Variants in ZDHHC14 observed in about 807,000 individuals in gnomAD.
ZDHHC14 encodes zDHHC palmitoyltransferase 14.
Under a neutral mutation model 47.7 loss-of-function variants are expected in ZDHHC14, and 16 were observed. That is an observed-to-expected ratio of 0.34 (90% CI 0.23 to 0.51). The LOEUF is 0.51. Among genes scored for constraint, ZDHHC14 ranks in the 20% least tolerant of loss-of-function variants. ZDHHC14 has a pLI of 0.97. For missense variants in ZDHHC14, 515 were observed against 662.5 expected, an observed-to-expected ratio of 0.78 and a Z score of 2.44; for synonymous variants, 293 against 278.9, an observed-to-expected ratio of 1.05 and a Z score of -0.50.
At chr6:157,384,974 G>T (rs1777282847) in intron 1 of ZDHHC14, among the ~76,000 whole-genome samples, 1 of 152,162 alleles carries the variant, frequency 6.6e-6, no homozygotes, top group African/African-American at 2.4e-5. Flanking sequence ...TAGAGATGGA[G>T]TCTGCCTATG....
Position 157,502,285 on chromosome 6 carries a change from C to T in ZDHHC14, c.246-40300C>T, listed in dbSNP as rs1030236829. Among the ~76,000 whole-genome samples the T allele has an allele frequency of 2.0e-5, 3 of 152,112 alleles. No homozygotes were observed. The highest frequency in any genetic ancestry group is 4.4e-5 in the Non-Finnish European group (3 of 68,022). ...GTCATTATAGAAACGGCAAGAAGAC[C>T]ATTGCATGTAAGCAAGGACACCGTG... On this transcript the variant is annotated intron_variant, in intron 1 of 8. Transcript: ENST00000359775. This position sits in a 1 kb window ranked among gnomAD's most constrained non-coding sequence, Gnocchi z 4.0.
At chr6:157,666,415 G>GA (rs567005614) in intron 8 of ZDHHC14, among the ~76,000 whole-genome samples, 2 of 151,784 alleles carry the variant, frequency 1.3e-5, no homozygotes, top group East Asian at 3.9e-4. Context: ...AATGTAGTAG[G>GA]AAAAAAAATA....
intron 7 of ZDHHC14, among the ~76,000 whole-genome samples, chr6:157,649,969 G>T (rs1344253654): frequency 6.6e-6 from 1 of 151,604 alleles, no homozygotes; most frequent in Non-Finnish European, 1.5e-5. Context: ...GAGAGGGGCT[G>T]GCTCTGTGCC....
intron 8 of ZDHHC14, among the ~76,000 whole-genome samples, chr6:157,658,105 A>G (rs1778182396): frequency 6.6e-6 from 1 of 152,212 alleles, no homozygotes; most frequent in Non-Finnish European, 1.5e-5. Context: ...CCTGAGACCC[A>G]TGAGTGGCAA....
At position 157,558,247 on chromosome 6, in the gene ZDHHC14, T is replaced by C. The variant is rs891940086; in HGVS notation, c.406+15502T>C. ...ATAGATCTAAACTCCTCAACCGACA[T>C]GCTGCCATTCCCAGAAATGGCTGAT... On this transcript the variant is annotated intron_variant, in intron 2 of 8. Coordinates refer to ENST00000359775, the MANE Select transcript of ZDHHC14 (RefSeq NM_024630.3). 8.5e-5 allele frequency among the ~76,000 whole-genome samples: 13 copies of C among 152,298 alleles called. 1 individual carries two copies. The highest frequency in any genetic ancestry group is 2.1e-4 in the South Asian group (1 of 4,820).
At chr6:157,548,940 G>A (rs796803683) in intron 2 of ZDHHC14, among the ~76,000 whole-genome samples, 11 of 152,340 alleles carry the variant, frequency 7.2e-5, no homozygotes, top group African/African-American at 2.2e-4. Flanking sequence ...TTGATGAAGC[G>A]TCTCTCCCCG....
chr6:157,592,975 C>T lies in ZDHHC14; in HGVS notation c.407-13C>T. ...TCTGAAGGTGTGCGCTCTTTCTCTT[C>T]TTTTCTCCACAGATATCGCAAACGG... On this transcript the variant is annotated splice_polypyrimidine_tract_variant and intron_variant, in intron 2 of 8. Coordinates refer to ENST00000359775, the MANE Select transcript of ZDHHC14 (RefSeq NM_024630.3). 1 of 1,606,210 alleles carries T rather than the reference C, an allele frequency of 6.2e-7. No homozygotes were observed. The highest frequency in any genetic ancestry group is 1.1e-5 in the South Asian group (1 of 89,960).
chr6:157,540,910 G>GTGTGTGTGTGTATA (rs1284429244), intron 1 of ZDHHC14, among the ~76,000 whole-genome samples: 2 of 122,992 alleles, frequency 1.6e-5, no homozygotes, highest in Non-Finnish European at 1.6e-5. Context: ...GTGTGTGTGT[G>GTGTGTGTGTGTATA]TATATATATA....
rs567514064 is a variant in ZDHHC14 at position 157,673,290 on chromosome 6, G to A, written c.*168G>A. 1.8e-4 allele frequency: 151 copies of A among 845,514 alleles called. 1 individual carries two copies. The African/African-American group carries it at 2.2e-3, about 12-fold the overall frequency. The allele number at this position is 845,514 out of a possible 1,614,324, so 52.4% of individuals were successfully genotyped here. ...AGGATGGCACAGGGTGGCTGGCCCC[G>A]GATGCTGAGAGCTTGGTTTCATTTG... On this transcript the variant is annotated 3_prime_UTR_variant, in exon 9 of 9. Coordinates refer to ENST00000359775, the MANE Select transcript of ZDHHC14 (RefSeq NM_024630.3). The surrounding 1 kb of genome is among the most constrained non-coding windows in gnomAD (Gnocchi z 5.4).
chr6:157,393,593 G>A (rs1334950375), intron 1 of ZDHHC14, among the ~76,000 whole-genome samples: 7 of 152,268 alleles, frequency 4.6e-5, no homozygotes, highest in East Asian at 1.9e-4. Context: ...TCTCTAAAAT[G>A]TGTGTTCCTG....
chr6:157,597,721 C>T (rs1784186558), intron 3 of ZDHHC14, among the ~76,000 whole-genome samples: 1 of 152,222 alleles, frequency 6.6e-6, no homozygotes. Flanking sequence ...TCTGGAAGGG[C>T]TGTGAAGACG....
chr6:157,418,162 T>C (rs1453142768), intron 1 of ZDHHC14, among the ~76,000 whole-genome samples: 1 of 152,010 alleles, frequency 6.6e-6, no homozygotes, highest in Non-Finnish European at 1.5e-5. Context: ...TGGGTCCTTC[T>C]CAGAAGTGAG....
At chr6:157,564,737 C>T (rs1782836713) in intron 2 of ZDHHC14, among the ~76,000 whole-genome samples, 1 of 152,154 alleles carries the variant, frequency 6.6e-6, no homozygotes, top group Non-Finnish European at 1.5e-5. Context: ...CACTGAGCAC[C>T]AGCAAAGGAG....
At chr6:157,504,946 G>A (rs767010964) in intron 1 of ZDHHC14, among the ~76,000 whole-genome samples, 38 of 151,844 alleles carry the variant, frequency 2.5e-4, no homozygotes, top group Non-Finnish European at 4.9e-4. Context: ...GAGTAGCTGG[G>A]ATTACAGGTG....
intron 1 of ZDHHC14, among the ~76,000 whole-genome samples, chr6:157,480,066 G>C (rs192181165): frequency 6.6e-6 from 1 of 152,294 alleles, no homozygotes; most frequent in Admixed American, 6.5e-5. Flanking sequence ...ACAGGTTGCT[G>C]TTAAGAGCAA....
At chr6:157,473,712 C>T (rs996043492) in intron 1 of ZDHHC14, among the ~76,000 whole-genome samples, 1 of 152,130 alleles carries the variant, frequency 6.6e-6, no homozygotes, top group Non-Finnish European at 1.5e-5. Context: ...AAATTTCACA[C>T]GTAACCTCAT....
chr6:157,649,255 G>A (rs898467005), intron 7 of ZDHHC14, among the ~76,000 whole-genome samples: 5 of 152,208 alleles, frequency 3.3e-5, no homozygotes, highest in African/African-American at 1.2e-4. Flanking sequence ...GACTTGAAGC[G>A]GTGTGGGGCA....
chr6:157,605,236 A>G (rs1450267230), intron 3 of ZDHHC14, among the ~76,000 whole-genome samples: 2 of 152,238 alleles, frequency 1.3e-5, no homozygotes, highest in Non-Finnish European at 2.9e-5. Flanking sequence ...ATTTTGTTTT[A>G]AAAAAGGTTG....
chr6:157,476,215 C>A (rs544772628), intron 1 of ZDHHC14, among the ~76,000 whole-genome samples: 1 of 152,044 alleles, frequency 6.6e-6, no homozygotes, highest in South Asian at 2.1e-4. Context: ...CGAAAAAAGA[C>A]TCAAATCAGA....
Sources: gnomAD v4.1 joint callset for allele counts (sites outside exome capture counted in the v4.1 genomes callset) on GRCh38, gnomAD v4.1.1 for gene constraint, Gnocchi (gnomAD v3.1) non-coding constraint, MANE v1.5 for transcripts, NCBI Gene and HGNC (gene_info 2026-07-23, HGNC 2026-07-21) for gene names.